Variants in ARGLU1 observed in about 807,000 individuals in gnomAD.
ARGLU1 encodes the protein arginine and glutamate rich 1, also known as arginine and glutamate-rich protein 1.
ARGLU1 carries 9 observed loss-of-function variants against 37.6 expected under a neutral mutation model. The ratio of observed to expected loss-of-function variants is 0.24; its 90% CI spans 0.14 to 0.42. The LOEUF (loss-of-function observed/expected upper bound fraction) is 0.42, where lower values mean the gene tolerates loss of function less well. ARGLU1 is among the 10% of genes least tolerant of loss of function. The pLI is 1.00. For missense variants in ARGLU1, 211 were observed against 359.2 expected (o/e 0.59, Z 3.34); for synonymous variants, 166 against 138.5 (o/e 1.20, Z -1.39).
intron 2 of ARGLU1, chr13:106,558,469 A>T: frequency 2.0e-6 from 2 of 985,392 alleles, no homozygotes; most frequent in Non-Finnish European, 2.4e-6. Flanking sequence ...AGTTCAAGAA[A>T]ATACAACTAC....
At chr13:106,562,664 G>A (rs1880842332) in intron 1 of ARGLU1, among the ~76,000 whole-genome samples, 1 of 151,968 alleles carries the variant, frequency 6.6e-6, no homozygotes, top group African/African-American at 2.4e-5. Context: ...TATAATACTA[G>A]GTCCTATTTT....
rs1566476369 is a variant in ARGLU1, at chr13:106,565,556, G to A, written c.347+2017C>T. On this transcript the variant is annotated intron_variant, in intron 1 of 3. Transcript: ENST00000400198. ...ATTAACAGTACCTAGCACAGTGCCTGGCACTTATTAAATGCTCAATAAACA... is the reference window on the plus strand; with the variant it reads ...ATTAACAGTACCTAGCACAGTGCCTAGCACTTATTAAATGCTCAATAAACA... Among the ~76,000 whole-genome samples the A allele has an allele frequency of 3.9e-5, 6 of 152,268 alleles. 1 individual carries two copies. In the South Asian group the frequency reaches 1.2e-3, roughly 32 times the overall value.
In ARGLU1 at chr13:106,567,391, G is replaced by A. The variant is rs1344204156; in HGVS notation, c.347+182C>T. The stretch of plus-strand genomic sequence containing the variant: ...AACTTCTGGGTCTGTCCCACCCCAA[G>A]CTTTCCAAACGCCAAGCCTGCCCGC... On this transcript the variant is annotated intron_variant, in intron 1 of 3. Coordinates refer to ENST00000400198, the MANE Select transcript of ARGLU1 (RefSeq NM_018011.4). The surrounding 1 kb of genome is among the most constrained non-coding windows in gnomAD (Gnocchi z 4.3). Among the ~76,000 whole-genome samples the A allele has an allele frequency of 6.6e-6, 1 of 151,806 alleles. No individual in the cohort carries two copies. Among genetic ancestry groups the A allele is most frequent in the African/African-American group, 2.4e-5 (1 of 41,318 alleles).
intron 3 of ARGLU1, among the ~76,000 whole-genome samples, chr13:106,546,024 T>C (rs1399195389): frequency 3.3e-5 from 5 of 152,232 alleles, no homozygotes; most frequent in African/African-American, 1.2e-4. Context: ...CCCTTTACAC[T>C]TTCCCTTCCG....
Position 106,542,225 on chromosome 13 carries a change from C to G in ARGLU1, c.*1771G>C, listed in dbSNP as rs1269303852. The G allele has an allele frequency of 6.6e-6, 1 of 151,388 alleles. No individual in the cohort carries two copies. Among genetic ancestry groups the G allele is most frequent in the Non-Finnish European group, 1.5e-5 (1 of 67,874 alleles). The allele number at this position is 151,388 out of a possible 1,614,324, so 9.4% of individuals were successfully genotyped here. On this transcript the variant is annotated 3_prime_UTR_variant, in exon 4 of 4. Coordinates refer to ENST00000400198, the MANE Select transcript of ARGLU1 (RefSeq NM_018011.4). ...CAATGTTTTGAACACTTGTATAGAA[C>G]AGTTTTTAAATAAACATTTCCAAAA...
chr13:106,566,944 T>C (rs1880981441), intron 1 of ARGLU1, among the ~76,000 whole-genome samples: 1 of 152,106 alleles, frequency 6.6e-6, no homozygotes, highest in African/African-American at 2.4e-5. Context: ...TGCTTTTTTT[T>C]TTTAACATCT....
Position 106,559,573 on chromosome 13 carries a change from T to C in ARGLU1, c.432A>G (p.Glu144=). The C allele has an allele frequency of 6.2e-7, 1 of 1,614,244 alleles. No individual in the cohort carries two copies. Among genetic ancestry groups the C allele is most frequent in the Non-Finnish European group, 8.5e-7 (1 of 1,180,040 alleles). Residue 144 remains glutamate, a synonymous_variant, in exon 2 of 4, where the codon GAA becomes GAG. Coordinates refer to ENST00000400198, the MANE Select transcript of ARGLU1 (RefSeq NM_018011.4). ...TTTCATCCTTCCTTTTCTCCAGTTC[T>C]TCCTCCACCCTTTTTGCTACCAATT... is the stretch of plus-strand genomic sequence containing the variant. The part of the protein sequence containing the change: ...VEELVAKRVE[E]ELEKRKDEIE...
chr13:106,552,538 G>T (rs1280635080), intron 3 of ARGLU1, among the ~76,000 whole-genome samples: 2 of 152,058 alleles, frequency 1.3e-5, no homozygotes, highest in African/African-American at 2.4e-5. Flanking sequence ...ACAACCTTCT[G>T]GAAGAGTATT....
At chr13:106,562,990 C>CAAAAAAAAAAAAA (rs745494550) in intron 1 of ARGLU1, among the ~76,000 whole-genome samples, 2 of 67,404 alleles carry the variant, frequency 3.0e-5, no homozygotes, top group Non-Finnish European at 5.6e-5. Flanking sequence ...GACCCTGTCT[C>CAAAAAAAAAAAAA]AAAAAAAAAA....
At position 106,543,901 on chromosome 13, in the gene ARGLU1, A is replaced by T; in HGVS notation, c.*95T>A. The stretch of plus-strand genomic sequence containing the variant: ...GCTAACTTTCCAGATTTTACAAATT[A>T]AAAAAACAAAAACAAAAACAAAAAA... On this transcript the variant is annotated 3_prime_UTR_variant, in exon 4 of 4. Coordinates refer to ENST00000400198, the MANE Select transcript of ARGLU1 (RefSeq NM_018011.4). 7.8e-7 allele frequency: 1 copy of T among 1,287,564 alleles called. No homozygotes were observed. Among genetic ancestry groups the T allele is most frequent in the Non-Finnish European group, 1.1e-6 (1 of 945,026 alleles). The allele number at this position is 1,287,564 out of a possible 1,614,324, so 79.8% of individuals were successfully genotyped here. A position where few individuals can be genotyped will look rare whatever the true frequency, so the allele number is the denominator to read the frequency against.
At chr13:106,558,780 T>C in intron 2 of ARGLU1, 2 of 985,332 alleles carry the variant, frequency 2.0e-6, no homozygotes, top group Non-Finnish European at 2.4e-6. Flanking sequence ...GAGTTGTTAG[T>C]AGATACTAAA....
rs999722447 is a variant in ARGLU1 at position 106,557,224 on chromosome 13, T to A, written c.574-93A>T. ...AATCTTCCTCTGAACTTTTTTGATATGACTTACAGGGTAGCTTTATAGCTA... is the reference window on the plus strand; with the variant it reads ...AATCTTCCTCTGAACTTTTTTGATAAGACTTACAGGGTAGCTTTATAGCTA... On this transcript the variant is annotated intron_variant, in intron 2 of 3. Coordinates refer to ENST00000400198, the MANE Select transcript of ARGLU1 (RefSeq NM_018011.4). This position sits in a 1 kb window ranked among gnomAD's most constrained non-coding sequence, Gnocchi z 5.0. 35 of 1,112,840 alleles carry A rather than the reference T, an allele frequency of 3.1e-5. No homozygotes were observed. The highest frequency in any genetic ancestry group is 4.4e-5 in the Non-Finnish European group (33 of 755,210). The allele number at this position is 1,112,840 out of a possible 1,614,324, so 68.9% of individuals were successfully genotyped here. A position where few individuals can be genotyped will look rare whatever the true frequency, so the allele number is the denominator to read the frequency against.
At chr13:106,545,836 G>A (rs1880374467) in intron 3 of ARGLU1, among the ~76,000 whole-genome samples, 1 of 152,118 alleles carries the variant, frequency 6.6e-6, no homozygotes, top group African/African-American at 2.4e-5. Context: ...TGAGCATGGT[G>A]GAAAATCCAA....
chr13:106,551,854 T>C (rs909175075), intron 3 of ARGLU1, among the ~76,000 whole-genome samples: 1 of 152,212 alleles, frequency 6.6e-6, no homozygotes, highest in African/African-American at 2.4e-5. Context: ...GTCTGTGCTA[T>C]ATGCTAAAAT....
rs1880308276 is a variant in ARGLU1, at chr13:106,543,343, C to T, written c.*653G>A. The T allele has an allele frequency of 1.3e-5, 2 of 152,452 alleles. No homozygotes were observed. Among genetic ancestry groups the T allele is most frequent in the African/African-American group, 2.4e-5 (1 of 41,428 alleles). 9.4% of individuals were successfully genotyped at this position (152,452 alleles called of 1,614,324 possible). On this transcript the variant is annotated 3_prime_UTR_variant, in exon 4 of 4. Coordinates refer to ENST00000400198, the MANE Select transcript of ARGLU1 (RefSeq NM_018011.4). ...TTCAACATATGAATTTAAGACTTTA[C>T]TTTATTCAGCAAAATCATTTATTTA...
chr13:106,559,276 G>A (rs1435350644), intron 2 of ARGLU1, 156 bp downstream of exon 2: 6 of 1,536,094 alleles, frequency 3.9e-6, no homozygotes, highest in Admixed American at 2.0e-5. Flanking sequence ...CTTCTGAATA[G>A]GCTAAAAAAT....
At chr13:106,566,508 T>C (rs1048490274) in intron 1 of ARGLU1, among the ~76,000 whole-genome samples, 9 of 152,216 alleles carry the variant, frequency 5.9e-5, no homozygotes, top group Admixed American at 5.9e-4. Context: ...AATAGGGAGT[T>C]AGTAGGACTG....
intron 1 of ARGLU1, among the ~76,000 whole-genome samples, chr13:106,562,787 C>T (rs1880846341): frequency 2.0e-5 from 3 of 150,072 alleles, no homozygotes; most frequent in Admixed American, 6.6e-5. Flanking sequence ...GTCAGGAGAT[C>T]GAGACCATCC....
Position 106,567,600 on chromosome 13 carries a change from T to C in ARGLU1, c.320A>G (p.Lys107Arg), listed in dbSNP as rs1450877244. 6.2e-7 allele frequency: 1 copy of C among 1,612,862 alleles called. No homozygotes were observed. The highest frequency in any genetic ancestry group is 1.3e-5 in the African/African-American group (1 of 74,782). Reference sequence around the variant, plus strand: ...TTTTCGCTGCCGCTCGAACTCCGCTTTCTTCTCCTCCTCCTCTCGCTTCTG... The same window carrying C: ...TTTTCGCTGCCGCTCGAACTCCGCTCTCTTCTCCTCCTCCTCTCGCTTCTG... ...EKQKREEEEK[K>R]AEFERQRKIR... The change falls in exon 1 of 4, where the codon AAA becomes AGA. Residue 107 changes from lysine (K) to arginine (R), a missense_variant. Physicochemically the swap from Lys to Arg is conservative, Grantham distance 26. Transcript: ENST00000400198. The surrounding 1 kb of genome is among the most constrained non-coding windows in gnomAD (Gnocchi z 4.3).
Sources: allele counts gnomAD v4.1 joint callset (sites outside exome capture counted in the v4.1 genomes callset), GRCh38; gene constraint gnomAD v4.1.1; non-coding constraint Gnocchi (gnomAD v3.1); transcripts MANE v1.5; gene names NCBI Gene and HGNC (gene_info 2026-07-23, HGNC 2026-07-21).